STAG2: variants seen among roughly 807,000 people sequenced by gnomAD.
STAG2 encodes the protein STAG2 cohesin complex component, also known as cohesin subunit SA-2.
In STAG2, 14 loss-of-function variants were observed where a neutral mutation model predicts 108.1. The observed-to-expected ratio is 0.13, with a 90% CI of 0.09 to 0.20. The LOEUF (loss-of-function observed/expected upper bound fraction) is 0.20, where lower values mean the gene tolerates loss of function less well. STAG2 is among the 10% of genes least tolerant of loss of function. The pLI is 1.00. For missense variants in STAG2, 440 were observed against 940.9 expected (o/e 0.47, Z 6.96); for synonymous variants, 307 against 302.7 (o/e 1.01, Z -0.15).
At chrX:124,025,093 G>A (rs1378090530) in intron 3 of STAG2, among the ~76,000 whole-genome samples, 1 of 111,232 alleles carries the variant, frequency 9.0e-6, no homozygotes, top group Non-Finnish European at 1.9e-5. Context: ...CAGTTGTTTA[G>A]GACTATAGAT....
intron 1 of STAG2, among the ~76,000 whole-genome samples, chrX:123,990,534 A>G (rs1305774620): frequency 9.0e-6 from 1 of 111,288 alleles, no homozygotes; most frequent in African/African-American, 3.3e-5. Flanking sequence ...AAACTTTACT[A>G]TGTACATATT....
At chrX:123,988,032 T>C (rs1304640467) in intron 1 of STAG2, among the ~76,000 whole-genome samples, 1 of 111,374 alleles carries the variant, frequency 9.0e-6, no homozygotes, top group East Asian at 2.8e-4. Flanking sequence ...AAAATGAAAA[T>C]AGGTGATTTT....
intron 16 of STAG2, 63 bp downstream of exon 16, chrX:124,061,404 C>A: frequency 2.5e-6 from 2 of 807,678 alleles, no homozygotes; most frequent in South Asian, 2.5e-5. Flanking sequence ...TTTACTCATT[C>A]CATTTATTTG....
chrX:124,046,309 G>A (rs150525814), intron 8 of STAG2, among the ~76,000 whole-genome samples: 43 of 112,058 alleles, frequency 3.8e-4, no homozygotes, highest in African/African-American at 1.4e-3. Context: ...GCAGTTTCCC[G>A]TATGTTGTTT....
intron 10 of STAG2, among the ~76,000 whole-genome samples, chrX:124,049,620 T>C (rs1006369654): frequency 2.7e-5 from 3 of 112,228 alleles, no homozygotes; most frequent in African/African-American, 9.7e-5. Flanking sequence ...AATGTCTCCA[T>C]GTCCATTCTT....
At chrX:124,092,291 G>C (rs1252302701) in intron 32 of STAG2, among the ~76,000 whole-genome samples, 4 of 111,398 alleles carry the variant, frequency 3.6e-5, no homozygotes, top group African/African-American at 1.3e-4. Context: ...GGTTAATATG[G>C]TCATCATCTA....
At chrX:124,025,967 C>T (rs374433277) in intron 4 of STAG2, 49 bp downstream of exon 4, 45 of 926,766 alleles carry the variant, frequency 4.9e-5, no homozygotes, top group Admixed American at 1.0e-4. Context: ...ATCTCACACA[C>T]ACACAGATTT....
intron 13 of STAG2, among the ~76,000 whole-genome samples, chrX:124,054,501 T>G (rs1323853480): frequency 8.9e-6 from 1 of 112,029 alleles, no homozygotes; most frequent in African/African-American, 3.2e-5. Flanking sequence ...ACATGTTGTA[T>G]ATAAAAATTT....
chrX:123,972,562 C>A (rs988936135), intron 1 of STAG2, among the ~76,000 whole-genome samples: 5 of 109,818 alleles, frequency 4.6e-5, no homozygotes, highest in Admixed American at 2.9e-4. Context: ...TGAGCCACCG[C>A]GCCCGGCCAA....
chrX:124,041,608 C>G (rs754659736), intron 6 of STAG2, among the ~76,000 whole-genome samples: 12 of 110,928 alleles, frequency 1.1e-4, no homozygotes, highest in Admixed American at 3.9e-4. Flanking sequence ...AATAATTCAA[C>G]AATAAAAACA....
chrX:124,025,906 A>G lies in STAG2; in HGVS notation c.111A>G (p.Gln37=), dbSNP rs1190058640. The G allele has an allele frequency of 3.4e-6, 4 of 1,173,924 alleles. No individual in the cohort carries two copies. Among genetic ancestry groups the G allele is most frequent in the African/African-American group, 3.5e-5 (2 of 56,643 alleles). ...ATATCGAAGGAAAAAACCAAAAGCA[A>G]GGCAAAGGCAAAGTATGTATCAAAT... is the stretch of plus-strand genomic sequence containing the variant. ...FEDIEGKNQK[Q]GKGKTCKKGK... The change falls in exon 4 of 35, where the codon CAA becomes CAG. Residue 37 remains glutamine (Q), a synonymous_variant. Coordinates refer to ENST00000371145, the MANE Select transcript of STAG2 (RefSeq NM_001042750.2).
chrX:123,967,145 A>T (rs1218369702), intron 1 of STAG2, among the ~76,000 whole-genome samples: 1 of 110,718 alleles, frequency 9.0e-6, no homozygotes, highest in Non-Finnish European at 1.9e-5. Context: ...ACAGCCTCCC[A>T]AAGTGCTGGG....
rs763624758 is a variant in STAG2 at position 124,101,613 on chromosome X, G to C, written c.*1016G>C. ...GAAAGTTTAACAATGTTTAAAAATA[G>C]AAAAGCATGAGTGTTCATGCTTTAA... On this transcript the variant is annotated 3_prime_UTR_variant, in exon 35 of 35. Coordinates refer to ENST00000371145, the MANE Select transcript of STAG2 (RefSeq NM_001042750.2). 6.2e-5 allele frequency: 10 copies of C among 160,130 alleles called. No homozygotes were observed. The highest frequency in any genetic ancestry group is 1.1e-4 in the Non-Finnish European group (9 of 82,934). 13.2% of individuals were successfully genotyped at this position (160,130 alleles called of 1,213,427 possible). A position where few individuals can be genotyped will look rare whatever the true frequency, so the allele number is the denominator to read the frequency against.
intron 1 of STAG2, chrX:123,963,448 AATTTTCAAC>A (rs1307734066): frequency 9.0e-6 from 1 of 111,270 alleles, no homozygotes; most frequent in Non-Finnish European, 1.9e-5. Flanking sequence ...CAGTGGGGTT[AATTTTCAAC>A]ATTTTCAACC....
intron 5 of STAG2, among the ~76,000 whole-genome samples, chrX:124,034,875 G>GTTA (rs763637231): frequency 0.15 from 14,771 of 99,628 alleles, 1,201 homozygotes; most frequent in Non-Finnish European, 0.21. Context: ...TGTTGTTGTT[G>GTTA]TTGTTATTAT....
intron 1 of STAG2, among the ~76,000 whole-genome samples, chrX:123,971,262 C>T (rs750849171): frequency 5.6e-4 from 62 of 111,386 alleles, no homozygotes; most frequent in African/African-American, 1.9e-3. Context: ...AACCCCGTCT[C>T]TACTAAAAAT....
At chrX:124,091,495 TC>T (rs2059250816) in intron 32 of STAG2, among the ~76,000 whole-genome samples, 2 of 112,275 alleles carry the variant, frequency 1.8e-5, no homozygotes, top group Admixed American at 9.5e-5. Flanking sequence ...ACTCCCAACT[TC>T]CTTAGCTCAT....
At chrX:124,024,530 T>G (rs1241685111) in intron 3 of STAG2, among the ~76,000 whole-genome samples, 1 of 111,128 alleles carries the variant, frequency 9.0e-6, no homozygotes, top group East Asian at 2.8e-4. Flanking sequence ...TACAGGCCCT[T>G]TCCTCTCAAC....
chrX:124,073,103 G>A (rs2058714143), intron 25 of STAG2, among the ~76,000 whole-genome samples: 1 of 109,433 alleles, frequency 9.1e-6, no homozygotes, highest in Non-Finnish European at 1.9e-5. Context: ...GGCATGTAGA[G>A]TAAGTTCTCA....
Sources: gnomAD v4.1 joint callset for allele counts (sites outside exome capture counted in the v4.1 genomes callset) on GRCh38, gnomAD v4.1.1 for gene constraint, MANE v1.5 for transcripts, NCBI Gene and HGNC (gene_info 2026-07-23, HGNC 2026-07-21) for gene names.